NCOA3: variants seen among roughly 807,000 people sequenced by gnomAD.
The protein encoded by NCOA3 is CBP-interacting protein.
NCOA3 carries 51 observed loss-of-function variants against 158.8 expected under a neutral mutation model. That is an observed-to-expected ratio of 0.32 (90% CI 0.26 to 0.41). The LOEUF is 0.41. Among genes scored for constraint, NCOA3 ranks in the 10% least tolerant of loss-of-function variants. The pLI is 1.00. For synonymous variants in NCOA3, 537 were observed against 592.4 expected (o/e 0.91, Z 1.36); for missense variants, 1,510 against 1,746.6 (o/e 0.86, Z 2.41).
chr20:47,639,323 C>G, intron 14 of NCOA3, 121 bp downstream of exon 14: 1 of 940,500 alleles, frequency 1.1e-6, no homozygotes. Flanking sequence ...TATGTTTCTT[C>G]CATGAATATC....
chr20:47,594,722 G>C (rs1306379623), intron 2 of NCOA3, among the ~76,000 whole-genome samples: 1 of 142,692 alleles, frequency 7.0e-6, no homozygotes. Context: ...TCATGATATT[G>C]CTGGGCACGG....
In NCOA3 at chr20:47,581,673, T is replaced by C. The variant is rs528080812; in HGVS notation, c.-98-1510T>C. Among the ~76,000 whole-genome samples, 29 of 152,340 alleles carry C rather than the reference T, an allele frequency of 1.9e-4. No homozygotes were observed. In the South Asian group the frequency reaches 6.0e-3, roughly 32 times the overall value. ...ATACCATTGGAATTAGTGGCAATCA[T>C]ATTGTTGCTTTATTGTTAAATTTGG... On this transcript the variant is annotated intron_variant, in intron 1 of 22. Coordinates refer to ENST00000371998, the MANE Select transcript of NCOA3 (RefSeq NM_181659.3).
intron 1 of NCOA3, among the ~76,000 whole-genome samples, chr20:47,582,939 C>T (rs966002276): frequency 2.0e-5 from 3 of 152,194 alleles, no homozygotes; most frequent in African/African-American, 4.8e-5. Context: ...GGATTACAGG[C>T]GGATGCCATG....
intron 4 of NCOA3, among the ~76,000 whole-genome samples, chr20:47,625,143 T>C (rs1027363593): frequency 6.6e-6 from 1 of 152,188 alleles, no homozygotes; most frequent in Non-Finnish European, 1.5e-5. Flanking sequence ...TTCAGGAAGC[T>C]GTGGGATAGT....
chr20:47,576,621 A>C (rs2085376454), intron 1 of NCOA3, among the ~76,000 whole-genome samples: 3 of 152,228 alleles, frequency 2.0e-5, no homozygotes, highest in Admixed American at 2.0e-4. Flanking sequence ...GTCCTTAAAA[A>C]AAATAAAAAG....
At chr20:47,527,287 G>A (rs1240756044) in intron 1 of NCOA3, among the ~76,000 whole-genome samples, 1 of 152,074 alleles carries the variant, frequency 6.6e-6, no homozygotes, top group Non-Finnish European at 1.5e-5. Context: ...TGGGTCTGCT[G>A]ATCTGCTTTG....
chr20:47,575,834 TTTTAA>T (rs1444193111), intron 1 of NCOA3, among the ~76,000 whole-genome samples: 2 of 152,262 alleles, frequency 1.3e-5, no homozygotes, highest in African/African-American at 2.4e-5. Context: ...TGACTAATCA[TTTTAA>T]TAGTAGAGCA....
chr20:47,520,500 C>G (rs189387548), intron 1 of NCOA3, among the ~76,000 whole-genome samples: 1 of 152,166 alleles, frequency 6.6e-6, no homozygotes, highest in East Asian at 1.9e-4. Context: ...TCCTTACTAC[C>G]GGAGGTTTGT....
chr20:47,502,553 G>C (rs1375136924), intron 1 of NCOA3, among the ~76,000 whole-genome samples: 3 of 151,752 alleles, frequency 2.0e-5, no homozygotes, highest in Non-Finnish European at 4.4e-5. Flanking sequence ...ATTTTAACAC[G>C]AATTGTCCGC....
At chr20:47,625,629 A>G (rs2086309722) in intron 5 of NCOA3, 148 bp downstream of exon 5, 2 of 627,896 alleles carry the variant, frequency 3.2e-6, no homozygotes, top group South Asian at 3.8e-5. Flanking sequence ...TCTGAATATG[A>G]TGGTAAAATG....
intron 1 of NCOA3, among the ~76,000 whole-genome samples, chr20:47,505,405 TAG>T (rs1208887414): frequency 6.6e-6 from 1 of 151,924 alleles, no homozygotes; most frequent in Non-Finnish European, 1.5e-5. Context: ...CCAGAGGAGG[TAG>T]AGTACTTTTG....
At position 47,642,327 on chromosome 20, in the gene NCOA3, T is replaced by A. The variant is rs1307310701; in HGVS notation, c.3195T>A (p.Asp1065Glu). 3.7e-6 allele frequency: 6 copies of A among 1,613,182 alleles called. No individual in the cohort carries two copies. Among genetic ancestry groups the A allele is most frequent in the Non-Finnish European group, 5.1e-6 (6 of 1,179,832 alleles). The change falls in exon 17 of 23, where the codon GAT becomes GAA. Residue 1065 changes from aspartate to glutamate, a missense_variant. Transcript: ENST00000371998. ...TGCACACTCTTCTCAGCAACACAGA[T>A]GCCACAGGCCTGGAAGAAATTGACA... ...DQLHTLLSNTDATGLEEIDRA... is the reference protein window; with the variant it reads ...DQLHTLLSNTEATGLEEIDRA...
chr20:47,635,606 C>G lies in NCOA3; in HGVS notation c.1397C>G (p.Pro466Arg), dbSNP rs779687433. Residue 466 changes from proline to arginine, a missense_variant, in exon 11 of 23, where the codon CCC (proline) becomes CGC (arginine). This residue lies in a region of NCOA3 where 1,017 missense variants were observed against 1,098.3 expected (regional missense o/e 0.93). Transcript: ENST00000371998. ...NNNYGLNMSS[P>R]PHGSPGLAPN... ...AACTATGGGCTCAACATGAGTAGCC[C>G]CCCACATGGGAGTCCTGGTCTTGCC... 8.7e-6 allele frequency: 14 copies of G among 1,614,150 alleles called. No individual in the cohort carries two copies. The South Asian group carries it at 1.5e-4, about 18-fold the overall frequency.
At chr20:47,598,270 C>A (rs1176988963) in intron 2 of NCOA3, among the ~76,000 whole-genome samples, 4 of 141,190 alleles carry the variant, frequency 2.8e-5, no homozygotes, top group African/African-American at 7.8e-5. Flanking sequence ...AAAAAAAGAA[C>A]CTGGCTTCTT....
At chr20:47,520,544 T>C (rs1053904990) in intron 1 of NCOA3, among the ~76,000 whole-genome samples, 11 of 152,222 alleles carry the variant, frequency 7.2e-5, no homozygotes, top group African/African-American at 2.7e-4. Flanking sequence ...TGCGGAAGGC[T>C]CAACCCCTCA....
chr20:47,652,109 G>A (rs1271200062), intron 20 of NCOA3, among the ~76,000 whole-genome samples: 4 of 152,140 alleles, frequency 2.6e-5, no homozygotes, highest in Non-Finnish European at 2.9e-5. Flanking sequence ...GAAGGATGGA[G>A]TGATGTGAGT....
At chr20:47,635,190 A>G (rs1244634448) in intron 10 of NCOA3, 132 bp from the exon 11 acceptor site, 3 of 844,826 alleles carry the variant, frequency 3.6e-6, no homozygotes, top group South Asian at 2.4e-5. Flanking sequence ...CAGCTTCCCA[A>G]AGTGCTGGGA....
In NCOA3 at chr20:47,636,541, G is replaced by A. The variant is rs1447875218; in HGVS notation, c.2155G>A (p.Gly719Arg). The A allele has an allele frequency of 6.8e-6, 11 of 1,614,042 alleles. No homozygotes were observed. The highest frequency in any genetic ancestry group is 1.6e-4 in the Middle Eastern group (1 of 6,084). The change falls in exon 12 of 23, where the codon GGA becomes AGA. Residue 719 changes from glycine (G) to arginine (R), a missense_variant. By Grantham distance (125) the Gly-to-Arg change is moderately radical. Transcript: ENST00000371998. Reference sequence around the variant, plus strand: ...CAGCAGTATAACTTCTTGTGGGGACGGAAATGTTGTCAAGCAGGAGCAGCT... The same window carrying A: ...CAGCAGTATAACTTCTTGTGGGGACAGAAATGTTGTCAAGCAGGAGCAGCT... ...DTSSITSCGD[G>R]NVVKQEQLSP...
chr20:47,617,105 G>A (rs1056939813), intron 2 of NCOA3, among the ~76,000 whole-genome samples: 10 of 152,050 alleles, frequency 6.6e-5, no homozygotes, highest in Admixed American at 2.0e-4. Context: ...ACATGTGCAT[G>A]CCACCATGCC....
Sources: gnomAD v4.1 joint callset for allele counts (sites outside exome capture counted in the v4.1 genomes callset) on GRCh38, gnomAD v4.1.1 for gene constraint, gnomAD v4.1.1 regional missense constraint, MANE v1.5 for transcripts, NCBI Gene and HGNC (gene_info 2026-07-23, HGNC 2026-07-21) for gene names.